The following ATAD1 variants were observed in gnomAD, a reference collection of about 807,000 sequenced individuals.
ATAD1 encodes ATPase family AAA domain containing 1.
In ATAD1, 18 loss-of-function variants were observed where a neutral mutation model predicts 42.7. That is an observed-to-expected ratio of 0.42 (90% CI 0.29 to 0.63). The LOEUF (loss-of-function observed/expected upper bound fraction) is 0.63. ATAD1 is among the 20% of genes least tolerant of loss of function. ATAD1 has a pLI of 0.19. For synonymous variants in ATAD1, 132 were observed against 143.1 expected (o/e 0.92, Z 0.55); for missense variants, 294 against 440.4 (o/e 0.67, Z 2.98).
chr10:87,790,087 T>C (rs1462357821), intron 4 of ATAD1, among the ~76,000 whole-genome samples: 2 of 152,228 alleles, frequency 1.3e-5, no homozygotes, highest in Non-Finnish European at 2.9e-5. Flanking sequence ...GAAAAGAAAT[T>C]GAAGGAGATT....
At chr10:87,824,558 C>G (rs1375985318) in intron 1 of ATAD1, among the ~76,000 whole-genome samples, 1 of 152,208 alleles carries the variant, frequency 6.6e-6, no homozygotes, top group East Asian at 1.9e-4. Context: ...ATGTACAGTG[C>G]TGAGCTCAAT....
intron 3 of ATAD1, among the ~76,000 whole-genome samples, chr10:87,792,096 T>G (rs563398663): frequency 6.6e-6 from 1 of 152,328 alleles, no homozygotes; most frequent in Non-Finnish European, 1.5e-5. Context: ...GGCCTGAGAC[T>G]GTTGTCCTTA....
At chr10:87,758,303 GAAGA>G (rs1432906549) in intron 8 of ATAD1, among the ~76,000 whole-genome samples, 1 of 152,070 alleles carries the variant, frequency 6.6e-6, no homozygotes, top group Admixed American at 6.6e-5. Context: ...TACACTAAAG[GAAGA>G]AAGAGAATGT....
At chr10:87,831,288 T>A in intron 1 of ATAD1, among the ~76,000 whole-genome samples, 1 of 148,858 alleles carries the variant, frequency 6.7e-6, no homozygotes, top group African/African-American at 2.5e-5. Context: ...ACTGCTTCAG[T>A]TGTCATCCCA....
chr10:87,798,058 A>G (rs1589528847), intron 2 of ATAD1, among the ~76,000 whole-genome samples: 1 of 152,244 alleles, frequency 6.6e-6, no homozygotes, highest in East Asian at 1.9e-4. Context: ...ATCCCCAACA[A>G]AAATTAATTT....
chr10:87,836,287 T>G (rs895059670), intron 1 of ATAD1, among the ~76,000 whole-genome samples: 1 of 152,116 alleles, frequency 6.6e-6, no homozygotes, highest in East Asian at 1.9e-4. Flanking sequence ...GGCTCCTCCT[T>G]TATTCTTGAT....
At chr10:87,763,121 ACT>A (rs1168233192) in intron 8 of ATAD1, among the ~76,000 whole-genome samples, 4 of 149,090 alleles carry the variant, frequency 2.7e-5, no homozygotes, top group Non-Finnish European at 5.9e-5. Context: ...AATATAATTT[ACT>A]GATTTCTTAT....
At chr10:87,807,483 T>C (rs887810173) in intron 2 of ATAD1, among the ~76,000 whole-genome samples, 2 of 152,340 alleles carry the variant, frequency 1.3e-5, no homozygotes, top group East Asian at 3.9e-4. Flanking sequence ...CTTTACAACC[T>C]GGCAGGGGTG....
At chr10:87,779,167 G>T (rs1044253077) in intron 5 of ATAD1, among the ~76,000 whole-genome samples, 3 of 152,104 alleles carry the variant, frequency 2.0e-5, no homozygotes, top group Non-Finnish European at 2.9e-5. Flanking sequence ...GCATGGTGGC[G>T]AATGCCTATA....
intron 8 of ATAD1, among the ~76,000 whole-genome samples, chr10:87,767,455 G>A (rs775235732): frequency 3.3e-5 from 5 of 152,160 alleles, no homozygotes; most frequent in Admixed American, 6.5e-5. Context: ...ATCCAGTGCC[G>A]CTGCTGATGT....
intron 2 of ATAD1, among the ~76,000 whole-genome samples, chr10:87,809,963 C>T (rs770090730): frequency 1.3e-5 from 2 of 152,122 alleles, no homozygotes; most frequent in Non-Finnish European, 2.9e-5. Flanking sequence ...TTAATATCTA[C>T]AGCAATATTA....
At chr10:87,771,515 G>T (rs1855029040) in intron 6 of ATAD1, among the ~76,000 whole-genome samples, 1 of 151,962 alleles carries the variant, frequency 6.6e-6, no homozygotes, top group South Asian at 2.1e-4. Flanking sequence ...GAAGATTCTG[G>T]TAACTGTAAT....
At chr10:87,836,333 C>G (rs111992243) in intron 1 of ATAD1, among the ~76,000 whole-genome samples, 3,922 of 152,264 alleles carry the variant, frequency 0.026, 79 homozygotes, top group Middle Eastern at 0.092. Context: ...TTCCGTCTGT[C>G]TGAAGAACTT....
At chr10:87,838,428 G>T (rs1857966506) in intron 1 of ATAD1, among the ~76,000 whole-genome samples, 1 of 119,888 alleles carries the variant, frequency 8.3e-6, no homozygotes, top group African/African-American at 3.2e-5. Context: ...TGCCACTGCA[G>T]TCCAACCTGG....
intron 1 of ATAD1, among the ~76,000 whole-genome samples, chr10:87,837,131 A>G (rs969432758): frequency 2.0e-5 from 3 of 152,168 alleles, no homozygotes; most frequent in Admixed American, 1.3e-4. Context: ...TCCAGCATCT[A>G]TAGCATCCTG....
chr10:87,778,761 C>CT (rs1425557365), intron 5 of ATAD1, among the ~76,000 whole-genome samples: 19 of 151,188 alleles, frequency 1.3e-4, no homozygotes, highest in South Asian at 4.2e-4. Flanking sequence ...ATTGGATAGA[C>CT]TTTTTTTTTA....
chr10:87,800,862 C>T (rs1856659224), intron 2 of ATAD1, among the ~76,000 whole-genome samples: 1 of 152,114 alleles, frequency 6.6e-6, no homozygotes, highest in Non-Finnish European at 1.5e-5. Context: ...GGCCCAGGGA[C>T]TATCATAGAA....
intron 2 of ATAD1, among the ~76,000 whole-genome samples, chr10:87,802,975 TGTGC>T (rs1397031869): frequency 6.6e-6 from 1 of 152,206 alleles, no homozygotes; most frequent in Admixed American, 6.5e-5. Context: ...AAAACTAAGC[TGTGC>T]TTTCTTAATG....
chr10:87,799,773 G>T (rs1452203360), intron 2 of ATAD1, among the ~76,000 whole-genome samples: 1 of 144,026 alleles, frequency 6.9e-6, no homozygotes, highest in Non-Finnish European at 1.5e-5. Flanking sequence ...AAAATATATT[G>T]TAGAAAAATA....
Sources: gnomAD v4.1 joint callset for allele counts (sites outside exome capture counted in the v4.1 genomes callset) on GRCh38, gnomAD v4.1.1 for gene constraint, MANE v1.5 for transcripts, NCBI Gene and HGNC (gene_info 2026-07-23, HGNC 2026-07-21) for gene names.